EPHA3: variants seen among roughly 807,000 people sequenced by gnomAD.
EPHA3 encodes the protein EPH receptor A3, also known as ephrin type-A receptor 3.
A neutral mutation model predicts 107.1 loss-of-function variants in EPHA3; 42 were observed. The observed-to-expected ratio is 0.39, with a 90% CI of 0.31 to 0.51. The LOEUF is 0.51. EPHA3 is among the 20% of genes least tolerant of loss of function. The pLI, the probability that EPHA3 is intolerant of heterozygous loss-of-function variation, is 0.78. For missense variants in EPHA3, 1,183 were observed against 1,211.2 expected, an observed-to-expected ratio of 0.98 and a Z score of 0.35; for synonymous variants, 461 against 424.8, an observed-to-expected ratio of 1.09 and a Z score of -1.05.
At chr3:89,318,085 C>A (rs35529725) in intron 3 of EPHA3, among the ~76,000 whole-genome samples, 11,012 of 151,874 alleles carry the variant, frequency 0.073, 563 homozygotes, top group South Asian at 0.12. Context: ...TTCCAGACAT[C>A]AGCATACTTC....
chr3:89,302,582 C>T (rs1706517046), intron 3 of EPHA3, among the ~76,000 whole-genome samples: 1 of 152,014 alleles, frequency 6.6e-6, no homozygotes, highest in Non-Finnish European at 1.5e-5. Flanking sequence ...ATGAAGAATA[C>T]CATATGGTAT....
chr3:89,336,718 A>G (rs1195407871), intron 3 of EPHA3, among the ~76,000 whole-genome samples: 2 of 152,094 alleles, frequency 1.3e-5, no homozygotes, highest in African/African-American at 4.8e-5. Flanking sequence ...AACTAAAAGG[A>G]CACTTACTCA....
intron 2 of EPHA3, among the ~76,000 whole-genome samples, chr3:89,195,902 C>G (rs1432302980): frequency 6.6e-6 from 1 of 152,126 alleles, no homozygotes. Context: ...TCTACATGGT[C>G]ATTCCCCACT....
intron 2 of EPHA3, among the ~76,000 whole-genome samples, chr3:89,203,815 A>G (rs535257851): frequency 1.3e-5 from 2 of 152,082 alleles, no homozygotes; most frequent in South Asian, 4.1e-4. Flanking sequence ...AAATATTAAG[A>G]AAAAAACCTT....
chr3:89,442,178 A>G (rs754820591), intron 13 of EPHA3, among the ~76,000 whole-genome samples: 6 of 152,204 alleles, frequency 3.9e-5, no homozygotes, highest in Non-Finnish European at 2.9e-5. Flanking sequence ...AAAAAAGAAG[A>G]AAGGAGAAAA....
intron 7 of EPHA3, among the ~76,000 whole-genome samples, chr3:89,402,021 A>G (rs114062947): frequency 0.012 from 1,785 of 152,344 alleles, 41 homozygotes; most frequent in African/African-American, 0.041. Flanking sequence ...TGAGGCAAAA[A>G]GCTCAGATCA....
intron 13 of EPHA3, among the ~76,000 whole-genome samples, chr3:89,441,978 T>C (rs887234808): frequency 1.3e-5 from 2 of 152,158 alleles, no homozygotes; most frequent in Non-Finnish European, 2.9e-5. Context: ...AATGTTTACG[T>C]TTTTGTAGCT....
intron 3 of EPHA3, among the ~76,000 whole-genome samples, chr3:89,213,347 G>A (rs1704152123): frequency 6.6e-6 from 1 of 151,954 alleles, no homozygotes; most frequent in South Asian, 2.1e-4. Context: ...TGTAATTACT[G>A]TGAGATTTCT....
chr3:89,206,538 TG>T (rs993620909), intron 2 of EPHA3, among the ~76,000 whole-genome samples: 1 of 152,200 alleles, frequency 6.6e-6, no homozygotes, highest in African/African-American at 2.4e-5. Context: ...CTAGAGTTTT[TG>T]CTACATCTGT....
At chr3:89,297,093 A>G (rs1706371707) in intron 3 of EPHA3, among the ~76,000 whole-genome samples, 1 of 152,206 alleles carries the variant, frequency 6.6e-6, no homozygotes, top group South Asian at 2.1e-4. Context: ...TCTTCTCTGC[A>G]GACCACTACA....
At chr3:89,412,953 C>T (rs1444237242) in intron 9 of EPHA3, among the ~76,000 whole-genome samples, 188 bp from the exon 10 acceptor site, 1 of 151,624 alleles carries the variant, frequency 6.6e-6, no homozygotes, top group African/African-American at 2.4e-5. Context: ...TCATAGAGAA[C>T]ATGTTTTCTT....
chr3:89,290,158 C>T (rs976071998), intron 3 of EPHA3, among the ~76,000 whole-genome samples: 4 of 152,062 alleles, frequency 2.6e-5, no homozygotes, highest in African/African-American at 9.7e-5. Context: ...ACCTTTTCTT[C>T]TTATCATTCT....
At chr3:89,126,374 A>G (rs1425340509) in intron 1 of EPHA3, among the ~76,000 whole-genome samples, 2 of 151,744 alleles carry the variant, frequency 1.3e-5, no homozygotes, top group African/African-American at 2.4e-5. Context: ...ATGCTGTTGT[A>G]TATTTTATTT....
At chr3:89,261,082 C>T (rs1054558104) in intron 3 of EPHA3, among the ~76,000 whole-genome samples, 2 of 152,142 alleles carry the variant, frequency 1.3e-5, no homozygotes, top group African/African-American at 4.8e-5. Context: ...GTAAGGTTTG[C>T]TAGCAGATGA....
At chr3:89,198,197 C>G (rs1705891708) in intron 2 of EPHA3, among the ~76,000 whole-genome samples, 1 of 152,052 alleles carries the variant, frequency 6.6e-6, no homozygotes, top group African/African-American at 2.4e-5. Flanking sequence ...ATAAGGAAAA[C>G]AAACTAGTAT....
At chr3:89,298,249 CT>C (rs1706407522) in intron 3 of EPHA3, among the ~76,000 whole-genome samples, 1 of 152,090 alleles carries the variant, frequency 6.6e-6, no homozygotes, top group Non-Finnish European at 1.5e-5. Flanking sequence ...TGAAGGGGAA[CT>C]TTTGCAAATG....
At chr3:89,213,379 A>G (rs1704152560) in intron 3 of EPHA3, among the ~76,000 whole-genome samples, 1 of 152,024 alleles carries the variant, frequency 6.6e-6, no homozygotes, top group Non-Finnish European at 1.5e-5. Flanking sequence ...CCAACTATCC[A>G]TTCTTAGAAT....
chr3:89,323,508 C>G (rs557560903), intron 3 of EPHA3, among the ~76,000 whole-genome samples: 1 of 152,136 alleles, frequency 6.6e-6, no homozygotes, highest in African/African-American at 2.4e-5. Flanking sequence ...AATTGTTGGT[C>G]CAATAGTCAT....
Position 89,341,900 on chromosome 3 carries a change from G to C in EPHA3, c.1116G>C (p.Gln372His), listed in dbSNP as rs1390129866. ...ICKKCGWNIKQCEPCSPNVRF... is the reference protein window; with the variant it reads ...ICKKCGWNIKHCEPCSPNVRF... ...AAAAATGTGGGTGGAATATAAAACA[G>C]TGTGAGCCATGCAGCCCAAATGTCC... Residue 372 changes from glutamine to histidine, a missense_variant, in exon 5 of 17, where the codon CAG becomes CAC. By Grantham distance (24) the Gln-to-His change is conservative. Coordinates refer to ENST00000336596, the MANE Select transcript of EPHA3 (RefSeq NM_005233.6). 1.2e-6 allele frequency: 2 copies of C among 1,613,782 alleles called. No individual in the cohort carries two copies. The highest frequency in any genetic ancestry group is 1.7e-6 in the Non-Finnish European group (2 of 1,179,974).
Sources: gnomAD v4.1 joint callset for allele counts (sites outside exome capture counted in the v4.1 genomes callset) on GRCh38, gnomAD v4.1.1 for gene constraint, MANE v1.5 for transcripts, NCBI Gene and HGNC (gene_info 2026-07-23, HGNC 2026-07-21) for gene names.